The following ZNF521 variants were observed in gnomAD, a reference collection of about 807,000 sequenced individuals.
ZNF521 encodes LYST-interacting protein 3.
ZNF521 carries 14 observed loss-of-function variants against 105.5 expected under a neutral mutation model. The ratio of observed to expected loss-of-function variants is 0.13; its 90% CI spans 0.09 to 0.21. ZNF521 has a LOEUF of 0.21. Ranked by LOEUF, ZNF521 falls within the 10% of genes least tolerant of loss-of-function variation. The probability of loss-of-function intolerance (pLI) is 1.00; values close to 1 mark genes in which losing one functional copy is unlikely to be tolerated. For synonymous variants in ZNF521, 635 were observed against 606.0 expected (o/e 1.05, Z -0.70); for missense variants, 1,233 against 1,629.7 (o/e 0.76, Z 4.19).
chr18:25,143,014 G>T (rs1220226094), intron 5 of ZNF521, among the ~76,000 whole-genome samples: 2 of 152,146 alleles, frequency 1.3e-5, no homozygotes, highest in Admixed American at 1.3e-4. Context: ...GTTATCAACA[G>T]ATATGCAGAT....
intron 5 of ZNF521, among the ~76,000 whole-genome samples, chr18:25,118,409 C>A (rs2034370679): frequency 6.6e-6 from 1 of 151,806 alleles, no homozygotes; most frequent in Admixed American, 6.6e-5. Context: ...TTTTTAATTT[C>A]TTTAACAAAT....
At position 25,212,548 on chromosome 18, in the gene ZNF521, T is replaced by A. The variant is rs1464620778; in HGVS notation, c.3573+11797A>T. Among the ~76,000 whole-genome samples, 89 of 106,496 alleles carry A rather than the reference T, an allele frequency of 8.4e-4. 1 individual carries two copies. Among genetic ancestry groups the A allele is most frequent in the Middle Eastern group, 5.7e-3 (1 of 174 alleles). The allele number at this position is 106,496 out of a possible 152,430, so 69.9% of individuals were successfully genotyped here. On this transcript the variant is annotated intron_variant, in intron 4 of 7. Transcript: ENST00000361524. ...AAAAAAAAAAAAAAAAATATATATA[T>A]ATATATATATATATATATGTATAGA...
At chr18:25,121,237 G>A (rs1195141563) in intron 5 of ZNF521, among the ~76,000 whole-genome samples, 4 of 144,600 alleles carry the variant, frequency 2.8e-5, no homozygotes, top group South Asian at 2.3e-4. Context: ...TCAGCCTCCC[G>A]AGTAGCCACC....
intron 4 of ZNF521, chr18:25,223,967 T>C (rs998893737): frequency 4.5e-5 from 11 of 245,892 alleles, no homozygotes; most frequent in African/African-American, 2.2e-4. Context: ...TGGTGGCTCA[T>C]AGCATCTTAC....
intron 3 of ZNF521, among the ~76,000 whole-genome samples, chr18:25,241,851 T>A (rs1907358573): frequency 6.6e-6 from 1 of 152,204 alleles, no homozygotes; most frequent in East Asian, 1.9e-4. Context: ...TTTTTCCTTC[T>A]CACTTTTTAT....
At chr18:25,279,590 A>G (rs1011629489) in intron 3 of ZNF521, among the ~76,000 whole-genome samples, 1 of 152,214 alleles carries the variant, frequency 6.6e-6, no homozygotes, top group African/African-American at 2.4e-5. Context: ...AAACAAAAAC[A>G]AGGTTATATA....
intron 3 of ZNF521, among the ~76,000 whole-genome samples, chr18:25,277,805 C>G (rs1910130477): frequency 6.6e-6 from 1 of 152,038 alleles, no homozygotes; most frequent in South Asian, 2.1e-4. Context: ...AGTAAGGAGT[C>G]AAAGATGATG....
chr18:25,266,979 C>T (rs1379589018), intron 3 of ZNF521, among the ~76,000 whole-genome samples: 2 of 152,218 alleles, frequency 1.3e-5, no homozygotes, highest in Admixed American at 1.3e-4. Context: ...AGTGGTCTGG[C>T]TCAGCGGGTC....
intron 3 of ZNF521, among the ~76,000 whole-genome samples, chr18:25,306,205 AC>A (rs1911965161): frequency 1.3e-5 from 2 of 152,212 alleles, no homozygotes; most frequent in South Asian, 4.1e-4. Flanking sequence ...AGAATTAATT[AC>A]TACTGAATGA....
chr18:25,217,543 C>T (rs537000618), intron 4 of ZNF521, among the ~76,000 whole-genome samples: 23 of 152,162 alleles, frequency 1.5e-4, no homozygotes, highest in African/African-American at 5.1e-4. Flanking sequence ...GGTATACATA[C>T]GACATTTCAG....
intron 3 of ZNF521, among the ~76,000 whole-genome samples, chr18:25,308,993 A>G (rs1469029667): frequency 6.6e-6 from 1 of 152,210 alleles, no homozygotes; most frequent in Non-Finnish European, 1.5e-5. Flanking sequence ...CTATCACTAT[A>G]TAGCTGTCAG....
Position 25,272,528 on chromosome 18 carries a change from A to C in ZNF521, c.221-44831T>G, listed in dbSNP as rs146936926. Among the ~76,000 whole-genome samples the C allele has an allele frequency of 9.1e-3, 1,384 of 152,300 alleles. 24 individuals carry two copies. Among genetic ancestry groups the C allele is most frequent in the African/African-American group, 0.031 (1,297 of 41,548 alleles). On this transcript the variant is annotated intron_variant, in intron 3 of 7. Coordinates refer to ENST00000361524, the MANE Select transcript of ZNF521 (RefSeq NM_015461.3). ...GAACCAACCCAAATGCTCATCAAGGATAGACTGGATGAAGAAAATATGGCA... is the reference window on the plus strand; with the variant it reads ...GAACCAACCCAAATGCTCATCAAGGCTAGACTGGATGAAGAAAATATGGCA...
intron 5 of ZNF521, among the ~76,000 whole-genome samples, chr18:25,103,340 A>G (rs1334702927): frequency 6.6e-6 from 1 of 152,120 alleles, no homozygotes; most frequent in Admixed American, 6.6e-5. Context: ...GCTGGGCTTG[A>G]GTGCTCCTTT....
intron 2 of ZNF521, among the ~76,000 whole-genome samples, chr18:25,325,951 T>C (rs1209273360): frequency 6.6e-6 from 1 of 152,172 alleles, no homozygotes; most frequent in African/African-American, 2.4e-5. Flanking sequence ...TGCTATAACT[T>C]GCTTTAATAA....
At chr18:25,200,982 C>T (rs1271149135) in intron 4 of ZNF521, 2 of 151,032 alleles carry the variant, frequency 1.3e-5, no homozygotes, top group Admixed American at 6.6e-5. Context: ...TTCTGCTTTA[C>T]TAGTGTTTGA....
At chr18:25,283,752 C>T (rs1184536941) in intron 3 of ZNF521, among the ~76,000 whole-genome samples, 1 of 152,106 alleles carries the variant, frequency 6.6e-6, no homozygotes, top group Non-Finnish European at 1.5e-5. Context: ...ATCTGAATAC[C>T]CCCATCATCA....
At chr18:25,099,853 G>T (rs1319552721) in intron 5 of ZNF521, among the ~76,000 whole-genome samples, 3 of 152,132 alleles carry the variant, frequency 2.0e-5, no homozygotes, top group Admixed American at 2.0e-4. Context: ...CCCACAAATT[G>T]GTAAGATCGA....
At chr18:25,317,152 C>T (rs577255133) in intron 3 of ZNF521, among the ~76,000 whole-genome samples, 2 of 151,748 alleles carry the variant, frequency 1.3e-5, no homozygotes, top group Non-Finnish European at 2.9e-5. Context: ...CCACGACGCC[C>T]GGCCTCTACT....
chr18:25,179,321 T>G (rs947711426), intron 5 of ZNF521, among the ~76,000 whole-genome samples: 1 of 151,628 alleles, frequency 6.6e-6, no homozygotes, highest in African/African-American at 2.4e-5. Flanking sequence ...GGCTAATTTT[T>G]GTATTTTTAG....
Sources: gnomAD v4.1 joint callset for allele counts (sites outside exome capture counted in the v4.1 genomes callset) on GRCh38, gnomAD v4.1.1 for gene constraint, MANE v1.5 for transcripts, NCBI Gene and HGNC (gene_info 2026-07-23, HGNC 2026-07-21) for gene names.